Variants in PITPNM2 observed in about 807,000 individuals in gnomAD.
PITPNM2 encodes the protein phosphatidylinositol transfer protein membrane associated 2, also known as membrane-associated phosphatidylinositol transfer protein 2.
In PITPNM2, 35 loss-of-function variants were observed where a neutral mutation model predicts 132.2. The observed-to-expected ratio is 0.26, with a 90% CI of 0.20 to 0.35. The LOEUF (loss-of-function observed/expected upper bound fraction) is 0.35. Ranked by LOEUF, PITPNM2 falls within the 10% of genes least tolerant of loss-of-function variation. PITPNM2 has a pLI of 1.00. For missense variants in PITPNM2, 1,332 were observed against 1,912.0 expected, an observed-to-expected ratio of 0.70 and a Z score of 5.66; for synonymous variants, 738 against 799.2, an observed-to-expected ratio of 0.92 and a Z score of 1.29.
rs1472061973 is a variant in PITPNM2, at chr12:122,992,833, T to G, written c.2234-164A>C. 3.3e-5 allele frequency among the ~76,000 whole-genome samples: 5 copies of G among 151,892 alleles called. No homozygotes were observed. On this transcript the variant is annotated intron_variant, in intron 15 of 25. Transcript: ENST00000320201. This position sits in a 1 kb window ranked among gnomAD's most constrained non-coding sequence, Gnocchi z 6.5. ...GACCTGTTTGGGTCATTGTCACTTT[T>G]TTGTTTGTTTGAGACAGGGTCTTGC...
Position 122,987,704 on chromosome 12 carries a change from C to T in PITPNM2, c.3115-45G>A, listed in dbSNP as rs766363479. ...CACGGGCTGGCTGTGTCTGGCCTCT[C>T]CACCCCCTGCACCCCGGCCAGAGGG... On this transcript the variant is annotated intron_variant, in intron 21 of 25. Coordinates refer to ENST00000320201, the MANE Select transcript of PITPNM2 (RefSeq NM_020845.3). 5.0e-6 allele frequency: 8 copies of T among 1,611,298 alleles called. No individual in the cohort carries two copies. The Admixed American group carries it at 5.0e-5, about 10-fold the overall frequency.
In PITPNM2 at chr12:123,042,752, A is replaced by G. The variant is rs568045252; in HGVS notation, c.-95-8067T>C. Among the ~76,000 whole-genome samples, 51 of 152,282 alleles carry G rather than the reference A, an allele frequency of 3.3e-4. 1 individual carries two copies. The highest frequency in any genetic ancestry group is 1.1e-3 in the African/African-American group (45 of 41,572). The stretch of plus-strand genomic sequence containing the variant: ...CTACTGGTTCCCAATCAGGAGCTGA[A>G]GCAGGCAATGGTAAAAGTACTTCCT... On this transcript the variant is annotated intron_variant, in intron 2 of 25. Coordinates refer to ENST00000320201, the MANE Select transcript of PITPNM2 (RefSeq NM_020845.3).
intron 1 of PITPNM2, among the ~76,000 whole-genome samples, chr12:123,138,477 T>A (rs985480730): frequency 6.6e-6 from 1 of 152,182 alleles, no homozygotes. Context: ...TGTTATATTA[T>A]GTATATTTTA....
In PITPNM2 at chr12:123,004,700, T is replaced by A; in HGVS notation, c.953-211A>T. On this transcript the variant is annotated intron_variant, in intron 7 of 25. Transcript: ENST00000320201. The surrounding 1 kb of genome is among the most constrained non-coding windows in gnomAD (Gnocchi z 4.9). Reference sequence around the variant, plus strand: ...CTCCTGTCCGCCTGGCACAAGGCAGTCATGTCCCGGGGAGCATGGGTGGGG... The same window carrying A: ...CTCCTGTCCGCCTGGCACAAGGCAGACATGTCCCGGGGAGCATGGGTGGGG... 1.6e-6 allele frequency: 1 copy of A among 615,082 alleles called. No homozygotes were observed. The highest frequency in any genetic ancestry group is 2.9e-6 in the Non-Finnish European group (1 of 340,872). 38.1% of individuals were successfully genotyped at this position (615,082 alleles called of 1,614,324 possible). A position where few individuals can be genotyped will look rare whatever the true frequency, so the allele number is the denominator to read the frequency against.
rs543721404 is a variant in PITPNM2 at position 122,987,286 on chromosome 12, C to A, written c.3408G>T (p.Val1136=). 1 of 1,611,542 alleles carries A rather than the reference C, an allele frequency of 6.2e-7. No homozygotes were observed. The highest frequency in any genetic ancestry group is 2.2e-5 in the East Asian group (1 of 44,882). Reference sequence around the variant, plus strand: ...TGCCCCTCTGGGCCACTCACCGCACCACGTCCACGGCCCCGGCCCGCACCT... The same window carrying A: ...TGCCCCTCTGGGCCACTCACCGCACAACGTCCACGGCCCCGGCCCGCACCT... The part of the protein sequence containing the change: ...DPKVRAGAVD[V]VRHWQDLGYL... The change falls in exon 23 of 26, where the codon GTG becomes GTT. Residue 1136 remains valine (V), a synonymous_variant. Coordinates refer to ENST00000320201, the MANE Select transcript of PITPNM2 (RefSeq NM_020845.3).
At position 123,023,782 on chromosome 12, in the gene PITPNM2, T is replaced by C. The variant is rs2039756750; in HGVS notation, c.79-9740A>G. Among the ~76,000 whole-genome samples, 1 of 152,046 alleles carries C rather than the reference T, an allele frequency of 6.6e-6. No individual in the cohort carries two copies. ...GCAACAAAAGAAAAGACAGATAAAC[T>C]GGACCTCATCAAAATTAACAACTTT... On this transcript the variant is annotated intron_variant, in intron 3 of 25. Transcript: ENST00000320201. This position sits in a 1 kb window ranked among gnomAD's most constrained non-coding sequence, Gnocchi z 4.8.
At chr12:123,054,027 C>A (rs191878352) in intron 2 of PITPNM2, among the ~76,000 whole-genome samples, 5 of 152,248 alleles carry the variant, frequency 3.3e-5, no homozygotes, top group Admixed American at 3.3e-4. Flanking sequence ...AAACACCTAT[C>A]CTGGATTTTT....
chr12:123,114,941 G>A (rs1007032627), intron 1 of PITPNM2, among the ~76,000 whole-genome samples: 2 of 152,122 alleles, frequency 1.3e-5, no homozygotes. Flanking sequence ...GTGTAGACCC[G>A]AGATCCCTGC....
intron 1 of PITPNM2, among the ~76,000 whole-genome samples, chr12:123,134,254 A>G (rs142751906): frequency 2.6e-5 from 4 of 151,948 alleles, no homozygotes; most frequent in East Asian, 3.9e-4. Context: ...TAGTAGAGAC[A>G]GGGTTTTACC....
chr12:123,047,737 G>A (rs1008009731), intron 2 of PITPNM2, among the ~76,000 whole-genome samples: 1 of 151,848 alleles, frequency 6.6e-6, no homozygotes. Context: ...GGCATCACAT[G>A]AGTTATCAAA....
chr12:123,092,146 T>A (rs2042284628), intron 2 of PITPNM2: 1 of 152,258 alleles, frequency 6.6e-6, no homozygotes, highest in Non-Finnish European at 1.5e-5. Context: ...ACTTGGATGC[T>A]ACAGACTGTT....
At position 123,008,270 on chromosome 12, in the gene PITPNM2, C is replaced by G. The variant is rs1266707714; in HGVS notation, c.643+1580G>C. ...CTGGGTAGGGCTAGGGAGAGCCAAG[C>G]AGACCCACAGAGCCAGAGTGCCAGG... On this transcript the variant is annotated intron_variant, in intron 6 of 25. Transcript: ENST00000320201. The surrounding 1 kb of genome is among the most constrained non-coding windows in gnomAD (Gnocchi z 4.1). Among the ~76,000 whole-genome samples, 1 of 152,178 alleles carries G rather than the reference C, an allele frequency of 6.6e-6. No individual in the cohort carries two copies. Among genetic ancestry groups the G allele is most frequent in the African/African-American group, 2.4e-5 (1 of 41,428 alleles).
intron 2 of PITPNM2, chr12:123,089,345 C>T (rs776510678): frequency 2.0e-5 from 3 of 152,202 alleles, no homozygotes; most frequent in Non-Finnish European, 4.4e-5. Flanking sequence ...AGCCAGAAAT[C>T]GCTACCCTCC....
intron 3 of PITPNM2, among the ~76,000 whole-genome samples, chr12:123,030,106 G>A (rs966145652): frequency 2.0e-5 from 3 of 152,138 alleles, no homozygotes; most frequent in Non-Finnish European, 4.4e-5. Flanking sequence ...AAAAGCCTCC[G>A]AGAAGGACAC....
chr12:122,988,392 C>G, intron 19 of PITPNM2, 42 bp from the exon 20 acceptor site: 13 of 1,550,052 alleles, frequency 8.4e-6, no homozygotes, highest in Non-Finnish European at 8.9e-6. Flanking sequence ...CAGATGCCAC[C>G]CGGGGGCTTC....
chr12:123,014,681 G>A (rs2039354337), intron 3 of PITPNM2, among the ~76,000 whole-genome samples: 2 of 152,184 alleles, frequency 1.3e-5, no homozygotes, highest in African/African-American at 4.8e-5. Flanking sequence ...CAGCCTTGGT[G>A]ACAAAGTGAG....
intron 14 of PITPNM2, 145 bp from the exon 15 acceptor site, chr12:122,995,124 C>T: frequency 7.7e-6 from 8 of 1,039,588 alleles, no homozygotes; most frequent in Non-Finnish European, 1.1e-5. Context: ...GCCCCTGGTC[C>T]ATTCTGCCCC....
chr12:122,994,965 A>G lies in PITPNM2; in HGVS notation c.2069T>C (p.Val690Ala). ...GCGTGAGCAGGGCTCAGTCCTCAGC[A>G]CGCTGGCATGGAGGCTGCAGACCCA... is the stretch of plus-strand genomic sequence containing the variant. ...QAFLSSLHAS[V>A]LRTEPCSRHS... Residue 690 changes from valine (V) to alanine (A), a missense_variant, in exon 15 of 26, where the codon GTG becomes GCG. Around this residue, in one of 6 missense-constraint regions of PITPNM2, gnomAD observed 710 missense variants for 911.5 expected, o/e 0.78. Transcript: ENST00000320201. This position sits in a 1 kb window ranked among gnomAD's most constrained non-coding sequence, Gnocchi z 5.4. 6.2e-7 allele frequency: 1 copy of G among 1,607,884 alleles called. No individual in the cohort carries two copies. The highest frequency in any genetic ancestry group is 8.5e-7 in the Non-Finnish European group (1 of 1,178,558).
At chr12:123,015,375 A>G (rs930566992) in intron 3 of PITPNM2, among the ~76,000 whole-genome samples, 1 of 150,662 alleles carries the variant, frequency 6.6e-6, no homozygotes, top group African/African-American at 2.5e-5. Context: ...AATATAATTG[A>G]GAGTCTAGAA....
Sources: allele counts gnomAD v4.1 joint callset (sites outside exome capture counted in the v4.1 genomes callset), GRCh38; gene constraint gnomAD v4.1.1; regional missense constraint gnomAD v4.1.1; non-coding constraint Gnocchi (gnomAD v3.1); transcripts MANE v1.5; gene names NCBI Gene and HGNC (gene_info 2026-07-23, HGNC 2026-07-21).